The following KIF26B variants were observed in gnomAD, a reference collection of about 807,000 sequenced individuals.
KIF26B encodes the protein kinesin family member 26B.
A neutral mutation model predicts 151.2 loss-of-function variants in KIF26B; 63 were observed. The observed-to-expected ratio is 0.42, with a 90% CI of 0.34 to 0.51. KIF26B has a LOEUF of 0.51. KIF26B is among the 20% of genes least tolerant of loss of function. KIF26B has a pLI of 0.07. For synonymous variants in KIF26B, 1,357 were observed against 1,262.1 expected (o/e 1.08, Z -1.59); for missense variants, 2,813 against 2,913.6 (o/e 0.97, Z 0.79).
intron 2 of KIF26B, among the ~76,000 whole-genome samples, chr1:245,235,376 G>C (rs1670085503): frequency 1.3e-5 from 2 of 151,912 alleles, no homozygotes; most frequent in Non-Finnish European, 2.9e-5. Flanking sequence ...AGGATGGCTC[G>C]AGGCCAGGAG....
intron 10 of KIF26B, among the ~76,000 whole-genome samples, chr1:245,677,318 C>T (rs1047328162): frequency 4.6e-5 from 7 of 152,198 alleles, no homozygotes; most frequent in Admixed American, 4.6e-4. Context: ...ATGCTGGCCT[C>T]GGCTATCTCT....
rs765887032 is a variant in KIF26B at position 245,688,762 on chromosome 1, G to A, written c.5779G>A (p.Gly1927Ser). The A allele has an allele frequency of 1.0e-5, 16 of 1,598,992 alleles. No individual in the cohort carries two copies. Among genetic ancestry groups the A allele is most frequent in the African/African-American group, 2.7e-5 (2 of 74,338 alleles). Residue 1927 changes from glycine (G) to serine (S), a missense_variant, in exon 12 of 15, where the codon GGC becomes AGC. Around this residue, in one of 3 missense-constraint regions of KIF26B, gnomAD observed 2,060 missense variants for 2,088.6 expected, o/e 0.99. Coordinates refer to ENST00000407071, the MANE Select transcript of KIF26B (RefSeq NM_018012.4). Reference protein sequence around the residue: ...STSENSSSVGGRCRSLKTPKK... With the variant: ...STSENSSSVGSRCRSLKTPKK... ...GAGCGAGAACAGCAGCTCCGTGGGC[G>A]GCAGGTGCCGGAGCCTCAAGACCCC...
At chr1:245,374,962 G>T (rs1352890310) in intron 3 of KIF26B, among the ~76,000 whole-genome samples, 1 of 152,156 alleles carries the variant, frequency 6.6e-6, no homozygotes, top group Non-Finnish European at 1.5e-5. Context: ...AGACTGAATA[G>T]GGGCCCCCCA....
chr1:245,385,492 C>G (rs138631752), intron 3 of KIF26B, among the ~76,000 whole-genome samples: 19 of 152,310 alleles, frequency 1.2e-4, no homozygotes, highest in Non-Finnish European at 2.1e-4. Flanking sequence ...GTCTGGAGTA[C>G]TTTTACATTG....
At chr1:245,263,559 A>G (rs552126524) in intron 2 of KIF26B, among the ~76,000 whole-genome samples, 1 of 152,348 alleles carries the variant, frequency 6.6e-6, no homozygotes, top group Admixed American at 6.5e-5. Context: ...GGAGGGCACT[A>G]GGGAGAGAAA....
At chr1:245,314,752 C>G (rs1671730894) in intron 2 of KIF26B, among the ~76,000 whole-genome samples, 1 of 152,178 alleles carries the variant, frequency 6.6e-6, no homozygotes, top group Admixed American at 6.5e-5. Flanking sequence ...CGTCAGTTGC[C>G]TTATATCCCA....
chr1:245,280,511 A>G (rs912574298), intron 2 of KIF26B, among the ~76,000 whole-genome samples: 1 of 126,334 alleles, frequency 7.9e-6, no homozygotes, highest in African/African-American at 3.5e-5. Context: ...AGCCTGGGCA[A>G]CAGAGCGAGA....
Position 245,196,958 on chromosome 1 carries a change from G to A in KIF26B, c.465+40275G>A, listed in dbSNP as rs368371888. Among the ~76,000 whole-genome samples, 7 of 152,178 alleles carry A rather than the reference G, an allele frequency of 4.6e-5. No individual in the cohort carries two copies. In the East Asian group the frequency reaches 1.2e-3, roughly 25 times the overall value. On this transcript the variant is annotated intron_variant, in intron 2 of 14. Transcript: ENST00000407071. ...AAGAGGAACAAAATATAGCTCCTTC[G>A]GTGTTTGGCGGAAGAACAATTTTGA...
chr1:245,468,045 C>A (rs1161812304), intron 4 of KIF26B, among the ~76,000 whole-genome samples: 1 of 150,446 alleles, frequency 6.6e-6, no homozygotes. Flanking sequence ...GCCTCCTATT[C>A]CTTTGAACTT....
intron 4 of KIF26B, among the ~76,000 whole-genome samples, chr1:245,428,885 G>A (rs1658708756): frequency 6.7e-6 from 1 of 150,022 alleles, no homozygotes; most frequent in Non-Finnish European, 1.5e-5. Context: ...CAAGCCTCAA[G>A]AATCCCAGGG....
intron 2 of KIF26B, among the ~76,000 whole-genome samples, chr1:245,271,951 T>C (rs937646022): frequency 6.6e-6 from 1 of 152,228 alleles, no homozygotes; most frequent in African/African-American, 2.4e-5. Flanking sequence ...AAATATTTGG[T>C]AGAGTTCTCC....
chr1:245,534,065 G>GCACTCAGA (rs1291671389), intron 4 of KIF26B, among the ~76,000 whole-genome samples: 3 of 152,162 alleles, frequency 2.0e-5, no homozygotes, highest in East Asian at 3.8e-4. Context: ...GAAAGGACTG[G>GCACTCAGA]CACTCAGAGG....
intron 2 of KIF26B, among the ~76,000 whole-genome samples, chr1:245,164,725 G>T (rs1668587297): frequency 6.6e-6 from 1 of 152,188 alleles, no homozygotes; most frequent in Non-Finnish European, 1.5e-5. Context: ...GTAGGACGTG[G>T]GCAGCCATTG....
intron 5 of KIF26B, among the ~76,000 whole-genome samples, chr1:245,567,201 ATAT>A (rs1357973917): frequency 6.6e-6 from 1 of 152,210 alleles, no homozygotes; most frequent in African/African-American, 2.4e-5. Context: ...CCAGCAATTA[ATAT>A]TTCCCCGGAG....
rs146268136 is a variant in KIF26B at position 245,636,732 on chromosome 1, T to C, written c.2099-9389T>C. Among the ~76,000 whole-genome samples, 4 of 152,170 alleles carry C rather than the reference T, an allele frequency of 2.6e-5. No individual in the cohort carries two copies. In the East Asian group the frequency reaches 7.7e-4, roughly 29 times the overall value. On this transcript the variant is annotated intron_variant, in intron 9 of 14. Transcript: ENST00000407071. The stretch of plus-strand genomic sequence containing the variant: ...GATCCACTGTTGTAGCTCCCACATA[T>C]GAGTGACAACATGGGATATTTGTCT...
At chr1:245,524,378 T>C (rs1186864085) in intron 4 of KIF26B, among the ~76,000 whole-genome samples, 1 of 152,208 alleles carries the variant, frequency 6.6e-6, no homozygotes, top group African/African-American at 2.4e-5. Context: ...CTCCAAAGCC[T>C]GTATGTATTT....
Position 245,345,234 on chromosome 1 carries a change from G to A in KIF26B, c.466-21600G>A, listed in dbSNP as rs1409660943. ...GCCCACAAGCCCTCACCCCACCCCT[G>A]CCCTACCCGCAGCTGGAGTGAAGGT... On this transcript the variant is annotated intron_variant, in intron 2 of 14. Transcript: ENST00000407071. Among the ~76,000 whole-genome samples, 5 of 152,052 alleles carry A rather than the reference G, an allele frequency of 3.3e-5. No homozygotes were observed. The South Asian group carries it at 1.0e-3, about 32-fold the overall frequency.
At chr1:245,242,937 A>G (rs1573728955) in intron 2 of KIF26B, among the ~76,000 whole-genome samples, 1 of 152,144 alleles carries the variant, frequency 6.6e-6, no homozygotes, top group South Asian at 2.1e-4. Context: ...GGCATGAGCC[A>G]CCGCGCCCAG....
intron 3 of KIF26B, among the ~76,000 whole-genome samples, chr1:245,407,291 A>T (rs917036133): frequency 7.2e-5 from 11 of 152,068 alleles, no homozygotes; most frequent in African/African-American, 2.7e-4. Context: ...TGGAACCTGT[A>T]TTCCTATGAT....
Sources: gnomAD v4.1 joint callset for allele counts (sites outside exome capture counted in the v4.1 genomes callset) on GRCh38, gnomAD v4.1.1 for gene constraint, gnomAD v4.1.1 regional missense constraint, MANE v1.5 for transcripts, NCBI Gene and HGNC (gene_info 2026-07-23, HGNC 2026-07-21) for gene names.